SLC25A25: variants seen among roughly 807,000 people sequenced by gnomAD.
SLC25A25 encodes mitochondrial adenyl nucleotide antiporter SLC25A25.
A neutral mutation model predicts 57.7 loss-of-function variants in SLC25A25; 32 were observed. That is an observed-to-expected ratio of 0.55 (90% CI 0.42 to 0.74). The LOEUF is 0.74. SLC25A25 is among the 30% of genes least tolerant of loss of function. The pLI, the probability that SLC25A25 is intolerant of heterozygous loss-of-function variation, is 0.00. For synonymous variants in SLC25A25, 306 were observed against 291.2 expected (o/e 1.05, Z -0.52); for missense variants, 556 against 701.3 (o/e 0.79, Z 2.34).
In SLC25A25 at chr9:128,102,877, G is replaced by A. The variant is rs548852582; in HGVS notation, c.624+396G>A. Reference sequence around the variant, plus strand: ...ACTCTACAGAGAACACCTAGGCAGAGCTGTGAGGTGTCCCCACGGTCACAC... The same window carrying A: ...ACTCTACAGAGAACACCTAGGCAGAACTGTGAGGTGTCCCCACGGTCACAC... On this transcript the variant is annotated intron_variant, in intron 5 of 10. Coordinates refer to ENST00000373069, the MANE Select transcript of SLC25A25 (RefSeq NM_001330988.2). This position sits in a 1 kb window ranked among gnomAD's most constrained non-coding sequence, Gnocchi z 4.1. 6.6e-6 allele frequency among the ~76,000 whole-genome samples: 1 copy of A among 152,346 alleles called. No individual in the cohort carries two copies. The highest frequency in any genetic ancestry group is 1.9e-4 in the East Asian group (1 of 5,188).
chr9:128,092,445 G>T (rs1042725378), intron 1 of SLC25A25, among the ~76,000 whole-genome samples: 1 of 152,196 alleles, frequency 6.6e-6, no homozygotes, highest in African/African-American at 2.4e-5. Flanking sequence ...GAAGCTAAAG[G>T]GGCGAGAGAG....
chr9:128,074,905 G>C (rs763662767), intron 1 of SLC25A25, among the ~76,000 whole-genome samples: 1 of 152,008 alleles, frequency 6.6e-6, no homozygotes, highest in African/African-American at 2.4e-5. Context: ...GGAGGCTGAG[G>C]TGGGCAGATC....
In SLC25A25 at chr9:128,103,149, G is replaced by T. The variant is rs887358066; in HGVS notation, c.625-532G>T. 6.6e-6 allele frequency among the ~76,000 whole-genome samples: 1 copy of T among 152,186 alleles called. No homozygotes were observed. The highest frequency in any genetic ancestry group is 6.5e-5 in the Admixed American group (1 of 15,286). On this transcript the variant is annotated intron_variant, in intron 5 of 10. Transcript: ENST00000373069. The surrounding 1 kb of genome is among the most constrained non-coding windows in gnomAD (Gnocchi z 6.7). Reference sequence around the variant, plus strand: ...ACAGCTCCAGGGGTGGGAGTAGCTGGCCCAGAGCTCTGGCCTTTAGCCCTG... The same window carrying T: ...ACAGCTCCAGGGGTGGGAGTAGCTGTCCCAGAGCTCTGGCCTTTAGCCCTG...
In SLC25A25 at chr9:128,107,781, T is replaced by G. The variant is rs1025703151; in HGVS notation, c.*337T>G. ...CTGGAGGCCGGCTTAGTTCTTCCAT[T>G]TCACCCTTGCAGCCAGCTGTTGGCC... On this transcript the variant is annotated 3_prime_UTR_variant, in exon 11 of 11. Coordinates refer to ENST00000373069, the MANE Select transcript of SLC25A25 (RefSeq NM_001330988.2). 2.0e-5 allele frequency: 8 copies of G among 406,498 alleles called. No individual in the cohort carries two copies. In the East Asian group the frequency reaches 2.8e-4, roughly 14 times the overall value. 25.2% of individuals were successfully genotyped at this position (406,498 alleles called of 1,614,324 possible).
chr9:128,096,045 T>C (rs1407143059), intron 1 of SLC25A25, among the ~76,000 whole-genome samples: 8 of 152,194 alleles, frequency 5.3e-5, no homozygotes. Context: ...AAATGAGATA[T>C]TCAACAGATC....
At position 128,103,663 on chromosome 9, in the gene SLC25A25, T is replaced by G. The variant is rs199942258; in HGVS notation, c.625-18T>G. The G allele has an allele frequency of 9.9e-4, 1,603 of 1,614,154 alleles. 8 individuals carry two copies. Among genetic ancestry groups the G allele is most frequent in the South Asian group, 7.0e-3 (640 of 91,086 alleles). On this transcript the variant is annotated intron_variant, in intron 5 of 10. Transcript: ENST00000373069. The surrounding 1 kb of genome is among the most constrained non-coding windows in gnomAD (Gnocchi z 6.7). ...CCCCAAGGGTCCTGAGTCAGGCTTGTGCCATCTTTCCTCACAGATCTTTGA... is the reference window on the plus strand; with the variant it reads ...CCCCAAGGGTCCTGAGTCAGGCTTGGGCCATCTTTCCTCACAGATCTTTGA...
chr9:128,098,742 C>G (rs189410854), intron 1 of SLC25A25: 33 of 1,612,150 alleles, frequency 2.0e-5, no homozygotes, highest in Non-Finnish European at 2.4e-5. Context: ...GGGGTGACCG[C>G]GCGGAAGGGA....
At chr9:128,100,959 G>A in intron 1 of SLC25A25, 137 bp from the exon 2 acceptor site, 2 of 1,190,160 alleles carry the variant, frequency 1.7e-6, no homozygotes, top group Non-Finnish European at 2.3e-6. Context: ...TCTGAGAGTG[G>A]AGCAGAAGCA....
intron 1 of SLC25A25, among the ~76,000 whole-genome samples, chr9:128,079,625 A>T (rs1329649754): frequency 6.7e-6 from 1 of 150,016 alleles, no homozygotes; most frequent in East Asian, 1.9e-4. Context: ...AAAAAAAAAA[A>T]AATTAGCCGG....
At chr9:128,080,019 C>T (rs1447275398) in intron 1 of SLC25A25, among the ~76,000 whole-genome samples, 3 of 149,208 alleles carry the variant, frequency 2.0e-5, no homozygotes, top group Non-Finnish European at 4.4e-5. Flanking sequence ...CCTGGTGGTG[C>T]GTGCTTGTAA....
In SLC25A25 at chr9:128,068,284, C is replaced by T; in HGVS notation, c.-36C>T. ...GGTCACCGCCGGCCCGCCGCCCCCG[C>T]TCCCGCCCGCGCCCGGAGCCCCTGC... On this transcript the variant is annotated 5_prime_UTR_variant, in exon 1 of 11. Transcript: ENST00000373069. 8.0e-7 allele frequency: 1 copy of T among 1,243,468 alleles called. No homozygotes were observed. Among genetic ancestry groups the T allele is most frequent in the Non-Finnish European group, 1.0e-6 (1 of 980,384 alleles). The allele number at this position is 1,243,468 out of a possible 1,614,324, so 77.0% of individuals were successfully genotyped here. A position where few individuals can be genotyped will look rare whatever the true frequency, so the allele number is the denominator to read the frequency against.
intron 1 of SLC25A25, chr9:128,098,242 TACCC>T (rs941742852): frequency 4.3e-6 from 1 of 230,816 alleles, no homozygotes; most frequent in Non-Finnish European, 8.4e-6. Flanking sequence ...CTGTACCTGG[TACCC>T]AGGCAGGCAG....
chr9:128,093,674 GAAGCATAGACTCTCA>G (rs1248946409), intron 1 of SLC25A25, among the ~76,000 whole-genome samples: 1 of 152,238 alleles, frequency 6.6e-6, no homozygotes, highest in African/African-American at 2.4e-5. Context: ...GCAAATCTGA[GAAGCATAGACTCTCA>G]AAGCAGATAG....
chr9:128,093,309 G>A (rs1833463702), intron 1 of SLC25A25, among the ~76,000 whole-genome samples: 1 of 152,190 alleles, frequency 6.6e-6, no homozygotes, highest in Non-Finnish European at 1.5e-5. Context: ...GATTGTTTTA[G>A]ACAAGATTGG....
chr9:128,089,419 T>A (rs116109262), intron 1 of SLC25A25, among the ~76,000 whole-genome samples: 14 of 152,302 alleles, frequency 9.2e-5, no homozygotes, highest in African/African-American at 3.4e-4. Context: ...CACAGAGAGC[T>A]GAAGTATCTT....
At position 128,099,379 on chromosome 9, in the gene SLC25A25, A is replaced by G. The variant is rs1348061782; in HGVS notation, c.262-1717A>G. On this transcript the variant is annotated intron_variant, in intron 1 of 10. Transcript: ENST00000373069. The surrounding 1 kb of genome is among the most constrained non-coding windows in gnomAD (Gnocchi z 6.8). Reference sequence around the variant, plus strand: ...AGCACTTTGAGAATGCGTTGAAGCCAGCTGCGGTGAGCACACCCTCTGCTC... The same window carrying G: ...AGCACTTTGAGAATGCGTTGAAGCCGGCTGCGGTGAGCACACCCTCTGCTC... 1 of 1,197,866 alleles carries G rather than the reference A, an allele frequency of 8.3e-7. No homozygotes were observed. Among genetic ancestry groups the G allele is most frequent in the Non-Finnish European group, 1.1e-6 (1 of 944,718 alleles). The allele number at this position is 1,197,866 out of a possible 1,614,324, so 74.2% of individuals were successfully genotyped here.
In SLC25A25 at chr9:128,105,886, G is replaced by T. The variant is rs747400375; in HGVS notation, c.936+5G>T. 6.2e-7 allele frequency: 1 copy of T among 1,613,534 alleles called. No individual in the cohort carries two copies. The highest frequency in any genetic ancestry group is 8.5e-7 in the Non-Finnish European group (1 of 1,179,642). ...AAATTCATGGCCTATGAGCAGGTGA[G>T]GACCCAGCTCCTCAGGAGGGTCACC... On this transcript the variant is annotated splice_donor_5th_base_variant and intron_variant, in intron 7 of 10. Transcript: ENST00000373069.
intron 1 of SLC25A25, among the ~76,000 whole-genome samples, chr9:128,080,285 G>C (rs1833123691): frequency 6.7e-6 from 1 of 149,598 alleles, no homozygotes; most frequent in Non-Finnish European, 1.5e-5. Context: ...AGGAGGTGGA[G>C]GTTGCAGTGA....
At chr9:128,090,831 A>C (rs777546151) in intron 1 of SLC25A25, 4 of 152,188 alleles carry the variant, frequency 2.6e-5, no homozygotes, top group Non-Finnish European at 4.4e-5. Flanking sequence ...ATCAATCAAT[A>C]AAGGTTGTGA....
Sources: gnomAD v4.1 joint callset for allele counts (sites outside exome capture counted in the v4.1 genomes callset) on GRCh38, gnomAD v4.1.1 for gene constraint, Gnocchi (gnomAD v3.1) non-coding constraint, MANE v1.5 for transcripts, NCBI Gene and HGNC (gene_info 2026-07-23, HGNC 2026-07-21) for gene names.